Variants in ASIC2 observed in about 807,000 individuals in gnomAD.
ASIC2 encodes acid sensing ion channel subunit 2.
ASIC2 carries 25 observed loss-of-function variants against 57.3 expected under a neutral mutation model. That is an observed-to-expected ratio of 0.44 (90% CI 0.32 to 0.61). The LOEUF (loss-of-function observed/expected upper bound fraction) is 0.61. Ranked by LOEUF, ASIC2 falls within the 20% of genes least tolerant of loss-of-function variation. ASIC2 has a pLI of 0.06. For synonymous variants in ASIC2, 319 were observed against 307.5 expected (o/e 1.04, Z -0.39); for missense variants, 641 against 738.1 (o/e 0.87, Z 1.52).
intron 1 of ASIC2, among the ~76,000 whole-genome samples, chr17:33,781,737 C>T (rs1911460226): frequency 6.6e-6 from 1 of 152,124 alleles, no homozygotes; most frequent in Non-Finnish European, 1.5e-5. Context: ...TTTGCTGTCC[C>T]CACCTCCCCT....
intron 1 of ASIC2, among the ~76,000 whole-genome samples, chr17:33,473,851 G>C (rs1913130972): frequency 1.3e-5 from 2 of 151,224 alleles, no homozygotes; most frequent in African/African-American, 4.9e-5. Flanking sequence ...CCCAAGACCT[G>C]TCCACCCCCC....
intron 1 of ASIC2, among the ~76,000 whole-genome samples, chr17:33,774,805 C>A (rs1018842360): frequency 6.6e-6 from 1 of 152,170 alleles, no homozygotes; most frequent in African/African-American, 2.4e-5. Flanking sequence ...CATGTACCAT[C>A]CCTAGACTGA....
At chr17:33,039,287 T>G (rs1163464114) in intron 3 of ASIC2, among the ~76,000 whole-genome samples, 1 of 152,134 alleles carries the variant, frequency 6.6e-6, no homozygotes. Context: ...GGCTTGGGGG[T>G]ATCCCTGAGG....
At chr17:33,857,223 C>A (rs317345) in intron 1 of ASIC2, among the ~76,000 whole-genome samples, 1 of 152,148 alleles carries the variant, frequency 6.6e-6, no homozygotes, top group Admixed American at 6.5e-5. Flanking sequence ...CCAGACATGA[C>A]GTATCTTGAC....
intron 1 of ASIC2, among the ~76,000 whole-genome samples, chr17:33,605,751 G>A (rs938637847): frequency 1.3e-5 from 2 of 152,154 alleles, no homozygotes; most frequent in African/African-American, 2.4e-5. Context: ...TCTAGATCCC[G>A]CTGCAAACCT....
intron 1 of ASIC2, among the ~76,000 whole-genome samples, chr17:33,366,412 C>T (rs1908811553): frequency 6.6e-6 from 1 of 152,226 alleles, no homozygotes; most frequent in Non-Finnish European, 1.5e-5. Flanking sequence ...AGGCACTCTA[C>T]TTTCCCATGC....
At chr17:33,108,243 C>T (rs1447869016) in intron 2 of ASIC2, among the ~76,000 whole-genome samples, 2 of 152,176 alleles carry the variant, frequency 1.3e-5, no homozygotes, top group Non-Finnish European at 2.9e-5. Context: ...TCCTACACTG[C>T]CTCCATCATT....
chr17:33,140,068 AG>A (rs1208639025), intron 1 of ASIC2, among the ~76,000 whole-genome samples: 1 of 152,250 alleles, frequency 6.6e-6, no homozygotes, highest in East Asian at 1.9e-4. Flanking sequence ...GGGGATAGTA[AG>A]AAGATACAGA....
intron 3 of ASIC2, among the ~76,000 whole-genome samples, chr17:33,039,448 C>T (rs946061701): frequency 6.6e-6 from 1 of 152,160 alleles, no homozygotes; most frequent in African/African-American, 2.4e-5. Flanking sequence ...ATTAAGCTGG[C>T]TTTGAATCTT....
At chr17:33,812,763 C>A (rs17250342) in intron 1 of ASIC2, among the ~76,000 whole-genome samples, 20,024 of 152,172 alleles carry the variant, frequency 0.13, 1,406 homozygotes, top group East Asian at 0.19. Context: ...ATCAGATCTA[C>A]CCACATTAGA....
chr17:33,521,716 G>A (rs986570667), intron 1 of ASIC2, among the ~76,000 whole-genome samples: 6 of 152,206 alleles, frequency 3.9e-5, no homozygotes, highest in African/African-American at 1.4e-4. Context: ...CTCAAGTCAC[G>A]TAACCTGATG....
intron 3 of ASIC2, among the ~76,000 whole-genome samples, chr17:33,083,480 T>C (rs1193773450): frequency 6.6e-6 from 1 of 152,232 alleles, no homozygotes; most frequent in Non-Finnish European, 1.5e-5. Flanking sequence ...CAGGGAATAT[T>C]TGCTGAGGGA....
intron 1 of ASIC2, among the ~76,000 whole-genome samples, chr17:33,658,326 G>A (rs952037617): frequency 1.3e-5 from 2 of 152,162 alleles, no homozygotes; most frequent in Non-Finnish European, 2.9e-5. Flanking sequence ...TGGCCAATGG[G>A]GAAAGTTTGT....
intron 1 of ASIC2, among the ~76,000 whole-genome samples, chr17:33,971,352 C>A (rs886080530): frequency 6.6e-6 from 1 of 152,136 alleles, no homozygotes; most frequent in Non-Finnish European, 1.5e-5. Context: ...CTTCAGAAGG[C>A]TTGAGAGAAT....
chr17:34,074,474 C>T lies in ASIC2; in HGVS notation c.555+81504G>A, dbSNP rs575703875. ...TAGCACCCTCTCTCTATGCATAGGG[C>T]TAGGAGGTCTGTCTTTACAAGTGTA... is the stretch of plus-strand genomic sequence containing the variant. On this transcript the variant is annotated intron_variant, in intron 1 of 9. Transcript: ENST00000359872. Among the ~76,000 whole-genome samples, 5 of 152,274 alleles carry T rather than the reference C, an allele frequency of 3.3e-5. No homozygotes were observed. The South Asian group carries it at 1.0e-3, about 32-fold the overall frequency.
chr17:33,751,510 G>A (rs1910431023), intron 1 of ASIC2, among the ~76,000 whole-genome samples: 1 of 151,852 alleles, frequency 6.6e-6, no homozygotes, highest in South Asian at 2.1e-4. Context: ...GTCTGAGACA[G>A]TAATTTTTTC....
At chr17:33,277,535 C>T (rs1267044373) in intron 1 of ASIC2, among the ~76,000 whole-genome samples, 1 of 152,192 alleles carries the variant, frequency 6.6e-6, no homozygotes, top group Admixed American at 6.5e-5. Context: ...AGGGAAAGGG[C>T]CTGTTTTTGC....
chr17:33,585,213 G>A (rs555797222), intron 1 of ASIC2, among the ~76,000 whole-genome samples: 1 of 110,682 alleles, frequency 9.0e-6, no homozygotes, highest in African/African-American at 3.8e-5. Flanking sequence ...TGGGCTTTTA[G>A]CCTTGAATCA....
intron 1 of ASIC2, among the ~76,000 whole-genome samples, chr17:33,462,341 C>T (rs1431885391): frequency 6.6e-6 from 1 of 152,202 alleles, no homozygotes; most frequent in Non-Finnish European, 1.5e-5. Flanking sequence ...CTAGTCAAAA[C>T]AGGATATGAG....
Sources: gnomAD v4.1 joint callset for allele counts (sites outside exome capture counted in the v4.1 genomes callset) on GRCh38, gnomAD v4.1.1 for gene constraint, MANE v1.5 for transcripts, NCBI Gene and HGNC (gene_info 2026-07-23, HGNC 2026-07-21) for gene names.